The following CELF4 variants were observed in gnomAD, a reference collection of about 807,000 sequenced individuals.
CELF4 encodes CUGBP Elav-like family member 4, also known as CUG-BP- and ETR-3-like factor 4.
In CELF4, 18 loss-of-function variants were observed where a neutral mutation model predicts 59.9. The ratio of observed to expected loss-of-function variants is 0.30; its 90% confidence interval spans 0.21 to 0.45. CELF4 has a LOEUF of 0.45. Ranked by LOEUF, CELF4 falls within the 20% of genes least tolerant of loss-of-function variation. The pLI is 1.00. For synonymous variants in CELF4, 261 were observed against 267.1 expected (o/e 0.98, Z 0.22); for missense variants, 456 against 689.0 (o/e 0.66, Z 3.79).
At chr18:37,476,346 C>T (rs2154602790) in intron 2 of CELF4, among the ~76,000 whole-genome samples, 1 of 152,326 alleles carries the variant, frequency 6.6e-6, no homozygotes, top group East Asian at 1.9e-4. Context: ...ACACACTGTG[C>T]TCCTTCAGCC....
intron 3 of CELF4, among the ~76,000 whole-genome samples, chr18:37,296,491 T>C (rs2095649446): frequency 1.3e-5 from 2 of 152,194 alleles, no homozygotes; most frequent in South Asian, 4.1e-4. Flanking sequence ...CCACTGCGCC[T>C]GGCCGGTTTG....
At chr18:37,501,586 C>T (rs1308894764) in intron 1 of CELF4, among the ~76,000 whole-genome samples, 1 of 152,220 alleles carries the variant, frequency 6.6e-6, no homozygotes, top group Non-Finnish European at 1.5e-5. Context: ...TGGAGGAAGC[C>T]AGGTAAGCTG....
In CELF4 at chr18:37,460,572, C is replaced by T. The variant is rs188455770; in HGVS notation, c.369+24953G>A. On this transcript the variant is annotated intron_variant, in intron 2 of 12. Transcript: ENST00000420428. ...TCCTGTCCTTTGTTCTTAGAAGAAA[C>T]TGAGCTCTAGATATGTCTCACTGTT... Among the ~76,000 whole-genome samples, 479 of 152,316 alleles carry T rather than the reference C, an allele frequency of 3.1e-3. 3 individuals carry two copies. Among genetic ancestry groups the T allele is most frequent in the Non-Finnish European group, 5.2e-3 (351 of 68,032 alleles).
chr18:37,388,339 A>T (rs1002055816), intron 2 of CELF4, among the ~76,000 whole-genome samples: 1 of 151,788 alleles, frequency 6.6e-6, no homozygotes, highest in Non-Finnish European at 1.5e-5. Context: ...CTGCACTCTG[A>T]CGCTTCCTCC....
rs11376925 is a variant in CELF4 at position 37,266,937 on chromosome 18, T to TGG, written c.1100-341_1100-340dup. On this transcript the variant is annotated intron_variant, in intron 8 of 12. Transcript: ENST00000420428. Reference sequence around the variant, plus strand: ...AGCCTCAACACTGAGATGCTGGTGGTGGGGGGGGACACACAAGGGGCCCAG... The same window carrying TGG: ...AGCCTCAACACTGAGATGCTGGTGGTGGGGGGGGGGACACACAAGGGGCCCAG... 2.6e-4 allele frequency among the ~76,000 whole-genome samples: 16 copies of TGG among 60,836 alleles called. No individual in the cohort carries two copies. The East Asian group carries it at 5.6e-3, about 21-fold the overall frequency. The allele number at this position is 60,836 out of a possible 152,430, so 39.9% of individuals were successfully genotyped here.
intron 1 of CELF4, among the ~76,000 whole-genome samples, chr18:37,555,786 T>G (rs1357593182): frequency 6.6e-6 from 1 of 152,202 alleles, no homozygotes; most frequent in Non-Finnish European, 1.5e-5. Context: ...GGTATATACT[T>G]TTCACTCACC....
chr18:37,527,986 C>A (rs1413431963), intron 1 of CELF4, among the ~76,000 whole-genome samples: 1 of 152,162 alleles, frequency 6.6e-6, no homozygotes, highest in East Asian at 1.9e-4. Context: ...GTTTTAACAC[C>A]TGCAGACACT....
intron 12 of CELF4, among the ~76,000 whole-genome samples, chr18:37,249,249 G>T (rs181248877): frequency 7.2e-5 from 11 of 152,232 alleles, no homozygotes; most frequent in African/African-American, 1.9e-4. Context: ...GGCAGCTCCC[G>T]TTGGCACGGG....
intron 1 of CELF4, among the ~76,000 whole-genome samples, chr18:37,488,170 C>T (rs555503621): frequency 3.9e-5 from 6 of 152,250 alleles, no homozygotes; most frequent in African/African-American, 1.4e-4. Flanking sequence ...CAAATGAGAC[C>T]TCCTCAGAGA....
chr18:37,551,106 G>A lies in CELF4; in HGVS notation c.286+14250C>T, dbSNP rs952986831. Among the ~76,000 whole-genome samples, 11 of 152,210 alleles carry A rather than the reference G, an allele frequency of 7.2e-5. 1 individual carries two copies. Among genetic ancestry groups the A allele is most frequent in the Admixed American group, 1.3e-4 (2 of 15,294 alleles). On this transcript the variant is annotated intron_variant, in intron 1 of 12. Transcript: ENST00000420428. ...GTAGAGGCTGGATGACTGGGAACTC[G>A]GAGGGTACTGGAAGACCAACACTAG...
rs1325012321 is a variant in CELF4 at position 37,254,051 on chromosome 18, C to A, written c.1334-113G>T. ...GGGGCGGGCCTGAGGCTCTCCCCCT[C>A]GGGCCCCGCCCCCGGCCCCGCCCCG... On this transcript the variant is annotated intron_variant, in intron 11 of 12. Coordinates refer to ENST00000420428, the MANE Select transcript of CELF4 (RefSeq NM_020180.4). This position sits in a 1 kb window ranked among gnomAD's most constrained non-coding sequence, Gnocchi z 5.1. 1.3e-5 allele frequency: 10 copies of A among 765,692 alleles called. No homozygotes were observed. The highest frequency in any genetic ancestry group is 4.9e-4 in the Middle Eastern group (1 of 2,048). 47.4% of individuals were successfully genotyped at this position (765,692 alleles called of 1,614,324 possible). A position where few individuals can be genotyped will look rare whatever the true frequency, so the allele number is the denominator to read the frequency against.
At chr18:37,311,613 C>T (rs1449254523) in intron 3 of CELF4, among the ~76,000 whole-genome samples, 1 of 151,466 alleles carries the variant, frequency 6.6e-6, no homozygotes, top group Non-Finnish European at 1.5e-5. Context: ...GATGGTAAAA[C>T]CCCGTCTCTA....
At chr18:37,330,079 C>T (rs1021805296) in intron 2 of CELF4, among the ~76,000 whole-genome samples, 4 of 152,170 alleles carry the variant, frequency 2.6e-5, no homozygotes, top group Non-Finnish European at 4.4e-5. Context: ...GGATAAAAGC[C>T]TGGTGATGCA....
chr18:37,328,511 G>T (rs577046212), intron 2 of CELF4, among the ~76,000 whole-genome samples: 1 of 152,208 alleles, frequency 6.6e-6, no homozygotes, highest in Non-Finnish European at 1.5e-5. Context: ...GGCTCACCTC[G>T]CCAAGCTTTG....
chr18:37,435,890 G>C (rs1603639102), intron 2 of CELF4, among the ~76,000 whole-genome samples: 1 of 152,146 alleles, frequency 6.6e-6, no homozygotes, highest in African/African-American at 2.4e-5. Flanking sequence ...GAGGAGAAGA[G>C]GTGAACTAGT....
At chr18:37,250,003 G>T (rs1266677363) in intron 12 of CELF4, among the ~76,000 whole-genome samples, 1 of 152,166 alleles carries the variant, frequency 6.6e-6, no homozygotes, top group African/African-American at 2.4e-5. Context: ...GCACTCTCCA[G>T]CCATAGAACT....
chr18:37,327,114 G>A (rs907765807), intron 2 of CELF4, among the ~76,000 whole-genome samples: 41 of 152,216 alleles, frequency 2.7e-4, no homozygotes, highest in African/African-American at 9.9e-4. Flanking sequence ...TGGCTTGTGG[G>A]CAGACAGACA....
chr18:37,349,929 T>C (rs913756217), intron 2 of CELF4, among the ~76,000 whole-genome samples: 1 of 151,984 alleles, frequency 6.6e-6, no homozygotes, highest in African/African-American at 2.4e-5. Flanking sequence ...AAGGGATGGG[T>C]GAGGGGAGAG....
chr18:37,530,580 G>A (rs1007580601), intron 1 of CELF4, among the ~76,000 whole-genome samples: 1 of 152,114 alleles, frequency 6.6e-6, no homozygotes, highest in African/African-American at 2.4e-5. Flanking sequence ...TCCCAAATCA[G>A]GAGGTGTGCA....
Sources: allele counts gnomAD v4.1 joint callset (sites outside exome capture counted in the v4.1 genomes callset), GRCh38; gene constraint gnomAD v4.1.1; non-coding constraint Gnocchi (gnomAD v3.1); transcripts MANE v1.5; gene names NCBI Gene and HGNC (gene_info 2026-07-23, HGNC 2026-07-21).